FYCO1: variants seen among roughly 807,000 people sequenced by gnomAD.
The protein encoded by FYCO1 is FYVE and coiled-coil domain-containing protein 1.
In FYCO1, 122 loss-of-function variants were observed where a neutral mutation model predicts 165.1. The ratio of observed to expected loss-of-function variants is 0.74; its 90% CI spans 0.64 to 0.86. FYCO1 has a LOEUF of 0.86. Among genes scored for constraint, FYCO1 ranks in the 40% least tolerant of loss-of-function variants. FYCO1 has a pLI of 0.00. For synonymous variants in FYCO1, 648 were observed against 742.5 expected (o/e 0.87, Z 2.07); for missense variants, 1,702 against 1,810.3 (o/e 0.94, Z 1.09).
At chr3:45,955,171 T>C in intron 14 of FYCO1, 78 bp downstream of exon 14, 2 of 1,525,622 alleles carry the variant, frequency 1.3e-6, no homozygotes, top group South Asian at 2.2e-5. Context: ...GTGTCTCACT[T>C]TCCTCATCCT....
rs1330384380 is a variant in FYCO1 at position 45,918,270 on chromosome 3, C to G, written c.*3495G>C. On this transcript the variant is annotated 3_prime_UTR_variant, in exon 18 of 18. Transcript: ENST00000296137. Reference sequence around the variant, plus strand: ...CTTTTTTTAAATCAGAGATGCCTCCCCAAATTTCAAGATGTACTTTATTAT... The same window carrying G: ...CTTTTTTTAAATCAGAGATGCCTCCGCAAATTTCAAGATGTACTTTATTAT... 1 of 152,392 alleles carries G rather than the reference C, an allele frequency of 6.6e-6. No individual in the cohort carries two copies. Among genetic ancestry groups the G allele is most frequent in the Non-Finnish European group, 1.5e-5 (1 of 68,030 alleles). 9.4% of individuals were successfully genotyped at this position (152,392 alleles called of 1,614,324 possible).
intron 14 of FYCO1, among the ~76,000 whole-genome samples, chr3:45,937,300 A>T (rs1703950435): frequency 6.6e-6 from 1 of 152,238 alleles, no homozygotes; most frequent in South Asian, 2.1e-4. Flanking sequence ...TCTCCCATGC[A>T]GTGTGGCTTC....
In FYCO1 at chr3:45,955,230, G is replaced by C; in HGVS notation, c.3944+19C>G. 6.2e-7 allele frequency: 1 copy of C among 1,613,088 alleles called. No individual in the cohort carries two copies. Among genetic ancestry groups the C allele is most frequent in the Non-Finnish European group, 8.5e-7 (1 of 1,179,732 alleles). The stretch of plus-strand genomic sequence containing the variant: ...GGCCTGTAATGAGCACTCAGGAAAT[G>C]GGGGTGACCTCTACTCACTGTTCAG... On this transcript the variant is annotated intron_variant, in intron 14 of 17. Coordinates refer to ENST00000296137, the MANE Select transcript of FYCO1 (RefSeq NM_024513.4).
In FYCO1 at chr3:45,966,955, C is replaced by T. The variant is rs374561915; in HGVS notation, c.2379G>A (p.Val793=). The T allele has an allele frequency of 1.2e-6, 2 of 1,613,518 alleles. No individual in the cohort carries two copies. The highest frequency in any genetic ancestry group is 1.3e-5 in the African/African-American group (1 of 74,946). Residue 793 remains valine, a synonymous_variant, in exon 8 of 18, where the codon GTG becomes GTA. Transcript: ENST00000296137. ...CTGCCCGCATCTTGGCCTGGAGGTC[C>T]ACCACCTGAGCCTGCAGCCGTTGGA... ...GEVQRLQAQV[V]DLQAKMRAAL...
intron 11 of FYCO1, among the ~76,000 whole-genome samples, chr3:45,960,483 G>T (rs889582625): frequency 2.0e-5 from 3 of 152,214 alleles, no homozygotes; most frequent in Non-Finnish European, 4.4e-5. Context: ...ATTCTCTGAA[G>T]CAGCCTCATT....
chr3:45,932,966 A>C (rs1158934352), intron 15 of FYCO1, among the ~76,000 whole-genome samples: 2 of 152,200 alleles, frequency 1.3e-5, no homozygotes, highest in Non-Finnish European at 2.9e-5. Flanking sequence ...CCATTAATAC[A>C]TTAATGCTGG....
At chr3:45,922,965 G>A (rs1703157360) in intron 17 of FYCO1, among the ~76,000 whole-genome samples, 1 of 152,182 alleles carries the variant, frequency 6.6e-6, no homozygotes. Flanking sequence ...CAGGTGCCCA[G>A]CCCCTCTCCA....
At chr3:45,976,982 T>C (rs1329773178) in intron 4 of FYCO1, among the ~76,000 whole-genome samples, 2 of 152,162 alleles carry the variant, frequency 1.3e-5, no homozygotes, top group African/African-American at 4.8e-5. Flanking sequence ...CACCATGACA[T>C]GTCTGCAGAT....
intron 3 of FYCO1, 26 bp from the exon 4 acceptor site, chr3:45,979,856 G>A: frequency 1.2e-6 from 2 of 1,613,184 alleles, no homozygotes; most frequent in African/African-American, 1.3e-5. Flanking sequence ...GAAAGGGAGA[G>A]GAGGTCCAAA....
chr3:45,921,881 G>C, intron 17 of FYCO1, 41 bp from the exon 18 acceptor site: 3 of 1,372,084 alleles, frequency 2.2e-6, no homozygotes, highest in East Asian at 2.3e-5. Context: ...TTACCTGAGA[G>C]CTGAAAGTCC....
At position 45,946,664 on chromosome 3, in the gene FYCO1, G is replaced by A. The variant is rs768543024; in HGVS notation, c.3944+8585C>T. Reference sequence around the variant, plus strand: ...TGGTCATATCCATCTTCTACCATAAGTTGCAGAGCCTGACGGATGTGTTCC... The same window carrying A: ...TGGTCATATCCATCTTCTACCATAAATTGCAGAGCCTGACGGATGTGTTCC... On this transcript the variant is annotated intron_variant, in intron 14 of 17. Coordinates refer to ENST00000296137, the MANE Select transcript of FYCO1 (RefSeq NM_024513.4). The A allele has an allele frequency of 3.7e-6, 6 of 1,614,222 alleles. No individual in the cohort carries two copies. In the East Asian group the frequency reaches 1.1e-4, roughly 30 times the overall value.
intron 5 of FYCO1, among the ~76,000 whole-genome samples, chr3:45,974,053 T>C (rs1190896170): frequency 6.6e-6 from 1 of 151,858 alleles, no homozygotes; most frequent in South Asian, 2.1e-4. Context: ...AGGTTAAGAC[T>C]ACCCCAACCC....
In FYCO1 at chr3:45,981,551, C is replaced by T. The variant is rs893619918; in HGVS notation, c.162+19G>A. On this transcript the variant is annotated intron_variant, in intron 3 of 17. Transcript: ENST00000296137. The stretch of plus-strand genomic sequence containing the variant: ...AGAGATACCAGTGCAAAAATCAACA[C>T]ATTACAGGCATCACTTACTTGCAGG... 2.1e-6 allele frequency: 3 copies of T among 1,436,098 alleles called. No individual in the cohort carries two copies. The African/African-American group carries it at 4.2e-5, about 20-fold the overall frequency. 89.0% of individuals were successfully genotyped at this position (1,436,098 alleles called of 1,614,324 possible).
chr3:45,974,281 G>A (rs1044086537), intron 5 of FYCO1, among the ~76,000 whole-genome samples: 2 of 152,212 alleles, frequency 1.3e-5, no homozygotes, highest in African/African-American at 4.8e-5. Context: ...GCTGAGGTAA[G>A]AAGATCACTT....
chr3:45,975,925 C>T (rs73830672), intron 4 of FYCO1, among the ~76,000 whole-genome samples: 1 of 152,146 alleles, frequency 6.6e-6, no homozygotes, highest in South Asian at 2.1e-4. Context: ...TGCGTGAGTG[C>T]GGCCGTGTAA....
intron 15 of FYCO1, among the ~76,000 whole-genome samples, chr3:45,935,781 C>T (rs547354496): frequency 2.6e-5 from 4 of 152,218 alleles, no homozygotes; most frequent in South Asian, 2.1e-4. Context: ...TTGATGAGGG[C>T]GAGGGGTCAG....
chr3:45,934,409 TTATC>T lies in FYCO1; in HGVS notation c.4040+2035_4040+2038del, dbSNP rs1248514220. Reference sequence around the variant, plus strand: ...AAAGCAGGCAGAGAGGAATAACTTATTATCTATGGGGGAATACCAATTTGAATGC... The same window carrying T: ...AAAGCAGGCAGAGAGGAATAACTTATTATGGGGGAATACCAATTTGAATGC... On this transcript the variant is annotated intron_variant, in intron 15 of 17. Coordinates refer to ENST00000296137, the MANE Select transcript of FYCO1 (RefSeq NM_024513.4). 3.9e-5 allele frequency among the ~76,000 whole-genome samples: 6 copies of T among 152,310 alleles called. No homozygotes were observed. The East Asian group carries it at 9.6e-4, about 24-fold the overall frequency.
chr3:45,923,719 TG>T lies in FYCO1; in HGVS notation c.4297del (p.Gln1433ArgfsTer32). On this transcript the variant is annotated frameshift_variant, in exon 17 of 18. Coordinates refer to ENST00000296137, the MANE Select transcript of FYCO1 (RefSeq NM_024513.4). LOFTEE classifies it high-confidence loss of function. ...GGGTGTGCGAACCTTGAGCTGGCCC[TG>T]GATGTTCTCCTTGTGGGAGTTGCAT... ...TRCNSHKENI[Q>X]GQLKVRTPGI... 6.2e-7 allele frequency: 1 copy of T among 1,614,208 alleles called. No homozygotes were observed. Among genetic ancestry groups the T allele is most frequent in the Non-Finnish European group, 8.5e-7 (1 of 1,180,020 alleles).
At chr3:45,947,443 C>T in intron 14 of FYCO1, 1 of 1,614,222 alleles carries the variant, frequency 6.2e-7, no homozygotes, top group Non-Finnish European at 8.5e-7. Context: ...TGGAAATCTT[C>T]TGAGGACAAT....
Sources: allele counts gnomAD v4.1 joint callset (sites outside exome capture counted in the v4.1 genomes callset), GRCh38; gene constraint gnomAD v4.1.1; transcripts MANE v1.5; gene names NCBI Gene and HGNC (gene_info 2026-07-23, HGNC 2026-07-21).